The following LRRTM4 variants were observed in gnomAD, a reference collection of about 807,000 sequenced individuals.
The protein encoded by LRRTM4 is leucine rich repeat transmembrane neuronal 4, also known as leucine-rich repeat transmembrane neuronal protein 4.
LRRTM4 carries 25 observed loss-of-function variants against 47.6 expected under a neutral mutation model. The observed-to-expected ratio is 0.53, with a 90% CI of 0.38 to 0.73. The LOEUF (loss-of-function observed/expected upper bound fraction) is 0.73, where lower values mean the gene tolerates loss of function less well. Ranked by LOEUF, LRRTM4 falls within the 30% of genes least tolerant of loss-of-function variation. The pLI is 0.00. For synonymous variants in LRRTM4, 311 were observed against 269.5 expected, an observed-to-expected ratio of 1.15 and a Z score of -1.51; for missense variants, 638 against 713.4, an observed-to-expected ratio of 0.89 and a Z score of 1.20.
chr2:77,264,862 C>T (rs1676011335), intron 3 of LRRTM4, among the ~76,000 whole-genome samples: 1 of 151,978 alleles, frequency 6.6e-6, no homozygotes, highest in Non-Finnish European at 1.5e-5. Flanking sequence ...AATTAAAAAG[C>T]CCATTATGGA....
intron 3 of LRRTM4, among the ~76,000 whole-genome samples, chr2:76,913,974 CTCT>C (rs1193421088): frequency 1.3e-5 from 2 of 151,680 alleles, no homozygotes; most frequent in Non-Finnish European, 2.9e-5. Context: ...AAATGCATAT[CTCT>C]TCAATATTTA....
At chr2:77,452,420 C>T (rs1040041140) in intron 3 of LRRTM4, among the ~76,000 whole-genome samples, 9 of 152,152 alleles carry the variant, frequency 5.9e-5, no homozygotes, top group African/African-American at 1.7e-4. Flanking sequence ...GTGTCATGAG[C>T]TCGCTTTAAT....
chr2:77,384,235 TA>T (rs200689063), intron 3 of LRRTM4, among the ~76,000 whole-genome samples: 2 of 151,028 alleles, frequency 1.3e-5, no homozygotes, highest in African/African-American at 2.4e-5. Flanking sequence ...TTTTTTTTTT[TA>T]AAAATTCACT....
At chr2:77,053,069 G>A (rs62170914) in intron 3 of LRRTM4, among the ~76,000 whole-genome samples, 18,303 of 152,096 alleles carry the variant, frequency 0.12, 1,387 homozygotes, top group Admixed American at 0.19. Context: ...AAATTTGAGA[G>A]CGATAAAGAA....
At chr2:77,008,689 T>C (rs1277509454) in intron 3 of LRRTM4, among the ~76,000 whole-genome samples, 2 of 152,146 alleles carry the variant, frequency 1.3e-5, no homozygotes, top group Non-Finnish European at 2.9e-5. Context: ...CTTTTACCAG[T>C]AGTCCAATCA....
intron 3 of LRRTM4, among the ~76,000 whole-genome samples, chr2:76,898,362 T>C (rs1001304896): frequency 1.1e-4 from 15 of 139,596 alleles, no homozygotes; most frequent in African/African-American, 2.9e-4. Flanking sequence ...AAAACAGCAA[T>C]TGAAATGATT....
intron 3 of LRRTM4, among the ~76,000 whole-genome samples, chr2:76,889,962 T>C (rs1673199394): frequency 6.6e-6 from 1 of 151,906 alleles, no homozygotes; most frequent in Admixed American, 6.6e-5. Context: ...TGTGACCTAG[T>C]TGTAGATGTA....
At chr2:76,921,132 T>C (rs906740533) in intron 3 of LRRTM4, among the ~76,000 whole-genome samples, 9 of 152,106 alleles carry the variant, frequency 5.9e-5, no homozygotes, top group African/African-American at 1.9e-4. Context: ...CAGGATACAA[T>C]CACACATTTA....
intron 3 of LRRTM4, among the ~76,000 whole-genome samples, chr2:77,466,870 T>G (rs1038814106): frequency 7.2e-5 from 11 of 152,024 alleles, no homozygotes; most frequent in African/African-American, 2.7e-4. Flanking sequence ...AGCTAATTTT[T>G]GTATTTTAAG....
chr2:77,007,203 C>T (rs750162801), intron 3 of LRRTM4, among the ~76,000 whole-genome samples: 3 of 151,722 alleles, frequency 2.0e-5, no homozygotes, highest in Admixed American at 6.6e-5. Flanking sequence ...TATGCACACA[C>T]AAGATGAAGT....
At chr2:77,166,324 GA>G (rs1326373684) in intron 3 of LRRTM4, among the ~76,000 whole-genome samples, 2 of 152,110 alleles carry the variant, frequency 1.3e-5, no homozygotes, top group East Asian at 3.9e-4. Flanking sequence ...ACAAATGGAA[GA>G]ACATTCCATG....
intron 3 of LRRTM4, among the ~76,000 whole-genome samples, chr2:76,918,341 TCAAA>T (rs1318704015): frequency 6.6e-6 from 1 of 152,222 alleles, no homozygotes; most frequent in Non-Finnish European, 1.5e-5. Context: ...TGAGGTGTAA[TCAAA>T]CAATAATATT....
At chr2:76,775,200 G>A (rs904139785) in intron 3 of LRRTM4, among the ~76,000 whole-genome samples, 2 of 152,122 alleles carry the variant, frequency 1.3e-5, no homozygotes, top group African/African-American at 2.4e-5. Context: ...GGGCTTGATG[G>A]CTTTTGCAAT....
chr2:77,164,576 C>T (rs1013044107), intron 3 of LRRTM4, among the ~76,000 whole-genome samples: 1 of 152,154 alleles, frequency 6.6e-6, no homozygotes, highest in African/African-American at 2.4e-5. Context: ...AAGCACTCCT[C>T]AGCAAATGAA....
chr2:77,393,916 A>G lies in LRRTM4; in HGVS notation c.1551+124402T>C, dbSNP rs534391876. On this transcript the variant is annotated intron_variant, in intron 3 of 3. Coordinates refer to ENST00000409884, the MANE Select transcript of LRRTM4 (RefSeq NM_001134745.3). Reference sequence around the variant, plus strand: ...GGATGTACTCATTAATTTGAATTTTAAAGACAAACAAAATAATTTGTTAGT... The same window carrying G: ...GGATGTACTCATTAATTTGAATTTTGAAGACAAACAAAATAATTTGTTAGT... 2.6e-5 allele frequency among the ~76,000 whole-genome samples: 4 copies of G among 152,172 alleles called. No homozygotes were observed. In the South Asian group the frequency reaches 8.3e-4, roughly 32 times the overall value.
chr2:76,913,981 A>G (rs916040051), intron 3 of LRRTM4, among the ~76,000 whole-genome samples: 6 of 151,998 alleles, frequency 3.9e-5, no homozygotes, highest in Admixed American at 1.3e-4. Flanking sequence ...TATCTCTTCA[A>G]TATTTAAAAA....
At chr2:77,332,515 C>T (rs906400711) in intron 3 of LRRTM4, among the ~76,000 whole-genome samples, 8 of 152,110 alleles carry the variant, frequency 5.3e-5, no homozygotes, top group Non-Finnish European at 1.0e-4. Flanking sequence ...AGGATTTCTT[C>T]CCTTAGCCAA....
chr2:76,968,377 TATA>T (rs1676105634), intron 3 of LRRTM4, among the ~76,000 whole-genome samples: 1 of 130,648 alleles, frequency 7.7e-6, no homozygotes, highest in Non-Finnish European at 1.6e-5. Flanking sequence ...TATATATATA[TATA>T]TATACACATA....
chr2:77,277,487 G>T (rs1676393842), intron 3 of LRRTM4, among the ~76,000 whole-genome samples: 1 of 151,902 alleles, frequency 6.6e-6, no homozygotes, highest in African/African-American at 2.4e-5. Context: ...AAATACTCAA[G>T]ATATTAAGGT....
Sources: gnomAD v4.1 joint callset for allele counts (sites outside exome capture counted in the v4.1 genomes callset) on GRCh38, gnomAD v4.1.1 for gene constraint, MANE v1.5 for transcripts, NCBI Gene and HGNC (gene_info 2026-07-23, HGNC 2026-07-21) for gene names.